Variants in SNX4 observed in about 807,000 individuals in gnomAD.
SNX4 encodes the protein sorting nexin 4.
A neutral mutation model predicts 70.8 loss-of-function variants in SNX4; 49 were observed. The ratio of observed to expected loss-of-function variants is 0.69; its 90% confidence interval spans 0.55 to 0.88. The LOEUF is 0.88. Among genes scored for constraint, SNX4 ranks in the 40% least tolerant of loss-of-function variants. The pLI is 0.00. For synonymous variants in SNX4, 206 were observed against 183.8 expected (o/e 1.12, Z -0.98); for missense variants, 528 against 544.8 (o/e 0.97, Z 0.31).
At chr3:125,478,418 C>CTT (rs72363640) in intron 7 of SNX4, among the ~76,000 whole-genome samples, 7,086 of 145,486 alleles carry the variant, frequency 0.049, 406 homozygotes, top group African/African-American at 0.13. Flanking sequence ...TTTTTCTTTT[C>CTT]TTTTTTTTTT....
intron 9 of SNX4, among the ~76,000 whole-genome samples, chr3:125,465,012 T>C (rs775074464): frequency 2.6e-5 from 4 of 152,038 alleles, no homozygotes; most frequent in Non-Finnish European, 4.4e-5. Context: ...CCCAAAGTAC[T>C]AGGATTACAG....
At chr3:125,461,346 T>C (rs971855867) in intron 9 of SNX4, among the ~76,000 whole-genome samples, 1 of 152,248 alleles carries the variant, frequency 6.6e-6, no homozygotes, top group African/African-American at 2.4e-5. Flanking sequence ...TTAGAATCAC[T>C]GACAGCAATG....
chr3:125,454,069 A>C, intron 11 of SNX4, 114 bp from the exon 12 acceptor site: 2 of 811,710 alleles, frequency 2.5e-6, no homozygotes, highest in Non-Finnish European at 3.9e-6. Context: ...ATGCTACAAC[A>C]TGGATAAACC....
At chr3:125,481,607 C>A (rs917555358) in intron 6 of SNX4, among the ~76,000 whole-genome samples, 4 of 152,188 alleles carry the variant, frequency 2.6e-5, no homozygotes, top group Non-Finnish European at 5.9e-5. Context: ...TACCACCACA[C>A]CCGTCTCTCT....
intron 1 of SNX4, among the ~76,000 whole-genome samples, chr3:125,510,087 C>A (rs1272328124): frequency 6.6e-6 from 1 of 152,128 alleles, no homozygotes; most frequent in East Asian, 1.9e-4. Flanking sequence ...ACCATATAAT[C>A]CAGCAATTCC....
intron 6 of SNX4, among the ~76,000 whole-genome samples, chr3:125,488,539 T>G (rs1297844474): frequency 6.6e-6 from 1 of 152,056 alleles, no homozygotes; most frequent in Non-Finnish European, 1.5e-5. Flanking sequence ...TTACCAAAAT[T>G]TAAAAATATT....
Position 125,471,344 on chromosome 3 carries a change from C to CAAAAAAAAAAAAAAAAAAAAAAAAAA in SNX4, c.789-1851_789-1826dup, listed in dbSNP as rs767432586. Among the ~76,000 whole-genome samples, 25 of 28,160 alleles carry CAAAAAAAAAAAAAAAAAAAAAAAAAA rather than the reference C, an allele frequency of 8.9e-4. 4 individuals are homozygous for CAAAAAAAAAAAAAAAAAAAAAAAAAA. Among genetic ancestry groups the CAAAAAAAAAAAAAAAAAAAAAAAAAA allele is most frequent in the African/African-American group, 2.4e-3 (13 of 5,456 alleles). 18.5% of individuals were successfully genotyped at this position (28,160 alleles called of 152,430 possible). The stretch of plus-strand genomic sequence containing the variant: ...GGGCAACAAGAGCAAAGCTCCATCT[C>CAAAAAAAAAAAAAAAAAAAAAAAAAA]AAAAAAAAAAAAAAAAAAAAAAAAA... On this transcript the variant is annotated intron_variant, in intron 8 of 13. Transcript: ENST00000251775.
At chr3:125,483,698 G>A (rs1934464739) in intron 6 of SNX4, among the ~76,000 whole-genome samples, 1 of 152,058 alleles carries the variant, frequency 6.6e-6, no homozygotes, top group South Asian at 2.1e-4. Flanking sequence ...AGAGCTAAAA[G>A]ATTCTAAACA....
At position 125,447,635 on chromosome 3, in the gene SNX4, C is replaced by T. The variant is rs559025413; in HGVS notation, c.*144G>A. 139 of 560,220 alleles carry T rather than the reference C, an allele frequency of 2.5e-4. No individual in the cohort carries two copies. Among genetic ancestry groups the T allele is most frequent in the African/African-American group, 2.2e-3 (112 of 50,172 alleles). The allele number at this position is 560,220 out of a possible 1,614,324, so 34.7% of individuals were successfully genotyped here. On this transcript the variant is annotated 3_prime_UTR_variant, in exon 14 of 14. Coordinates refer to ENST00000251775, the MANE Select transcript of SNX4 (RefSeq NM_003794.4). Reference sequence around the variant, plus strand: ...ATATATTTTTTGTGCTACATTAACACGACCACAATTAAGTTAAAGAAAGCT... The same window carrying T: ...ATATATTTTTTGTGCTACATTAACATGACCACAATTAAGTTAAAGAAAGCT...
At chr3:125,475,263 TTA>T (rs1934265924) in intron 8 of SNX4, among the ~76,000 whole-genome samples, 1 of 151,118 alleles carries the variant, frequency 6.6e-6, no homozygotes, top group African/African-American at 2.5e-5. Context: ...ATCTCACATC[TTA>T]CATTCAAATA....
chr3:125,472,832 G>A (rs996101269), intron 8 of SNX4, among the ~76,000 whole-genome samples: 2 of 151,796 alleles, frequency 1.3e-5, no homozygotes, highest in Non-Finnish European at 2.9e-5. Flanking sequence ...CCTACTTCAC[G>A]GTGCCTTCTA....
intron 12 of SNX4, among the ~76,000 whole-genome samples, chr3:125,451,969 T>C (rs537024326): frequency 3.5e-4 from 53 of 152,282 alleles, no homozygotes; most frequent in African/African-American, 1.3e-3. Context: ...CTTTAAATTA[T>C]TCCTATAAAA....
intron 5 of SNX4, among the ~76,000 whole-genome samples, chr3:125,495,708 CTG>C (rs1393312210): frequency 3.3e-5 from 5 of 152,046 alleles, no homozygotes; most frequent in African/African-American, 1.2e-4. Context: ...CGGCCAAAAA[CTG>C]TATTCAAAGA....
At chr3:125,508,141 A>C (rs184383657) in intron 1 of SNX4, among the ~76,000 whole-genome samples, 1 of 152,352 alleles carries the variant, frequency 6.6e-6, no homozygotes, top group East Asian at 1.9e-4. Context: ...TACCCAAAGC[A>C]ATCTATATAT....
intron 2 of SNX4, among the ~76,000 whole-genome samples, chr3:125,500,023 G>A (rs1041803430): frequency 2.0e-5 from 3 of 151,626 alleles, no homozygotes; most frequent in South Asian, 2.1e-4. Flanking sequence ...TCGCGCCAAC[G>A]CACTCCAGCC....
Position 125,489,467 on chromosome 3 carries a change from GA to G in SNX4, c.598-5del. ...GCGCTTTTAACCTGGAGTCTGCCTGGAAAAAATAATTTGTTCACTTAATACA... is the reference window on the plus strand; with the variant it reads ...GCGCTTTTAACCTGGAGTCTGCCTGGAAAAATAATTTGTTCACTTAATACA... On this transcript the variant is annotated splice_polypyrimidine_tract_variant and splice_region_variant and intron_variant, in intron 5 of 13. Coordinates refer to ENST00000251775, the MANE Select transcript of SNX4 (RefSeq NM_003794.4). 6.2e-7 allele frequency: 1 copy of G among 1,610,586 alleles called. No homozygotes were observed. The highest frequency in any genetic ancestry group is 8.5e-7 in the Non-Finnish European group (1 of 1,177,634).
At position 125,469,440 on chromosome 3, in the gene SNX4, C is replaced by T. The variant is rs772402939; in HGVS notation, c.854+14G>A. 13 of 1,601,716 alleles carry T rather than the reference C, an allele frequency of 8.1e-6. No homozygotes were observed. The highest frequency in any genetic ancestry group is 1.3e-5 in the African/African-American group (1 of 74,628). Reference sequence around the variant, plus strand: ...CTTCACCTCAGGCTTCACAAAAGTTCTCGAGGTACTTACACATCCATATGA... The same window carrying T: ...CTTCACCTCAGGCTTCACAAAAGTTTTCGAGGTACTTACACATCCATATGA... On this transcript the variant is annotated intron_variant, in intron 9 of 13. Coordinates refer to ENST00000251775, the MANE Select transcript of SNX4 (RefSeq NM_003794.4).
chr3:125,486,334 C>A lies in SNX4; in HGVS notation c.653+3074G>T, dbSNP rs780194261. On this transcript the variant is annotated intron_variant, in intron 6 of 13. Transcript: ENST00000251775. ...CTGGTTTTCTTTTAAAAGAAAAAAA[C>A]TATCACTTTACGTATAAGTTAAGTT... is the stretch of plus-strand genomic sequence containing the variant. Among the ~76,000 whole-genome samples the A allele has an allele frequency of 2.6e-5, 4 of 152,060 alleles. No homozygotes were observed. In the South Asian group the frequency reaches 8.3e-4, roughly 32 times the overall value.
intron 8 of SNX4, among the ~76,000 whole-genome samples, chr3:125,474,348 T>C (rs545518315): frequency 1.3e-5 from 2 of 152,176 alleles, no homozygotes; most frequent in Non-Finnish European, 2.9e-5. Flanking sequence ...GACAGGGTGT[T>C]GCTCTGTCAC....
Sources: allele counts gnomAD v4.1 joint callset (sites outside exome capture counted in the v4.1 genomes callset), GRCh38; gene constraint gnomAD v4.1.1; transcripts MANE v1.5; gene names NCBI Gene and HGNC (gene_info 2026-07-23, HGNC 2026-07-21).